Variants in ARSB observed in about 807,000 individuals in gnomAD.
ARSB encodes the protein arylsulfatase B, also known as N-acetylgalactosamine-4-sulfatase.
ARSB carries 41 observed loss-of-function variants against 50.9 expected under a neutral mutation model. The observed-to-expected ratio is 0.81, with a 90% CI of 0.63 to 1.04. The LOEUF is 1.04. ARSB is among the 50% of genes least tolerant of loss of function. The pLI is 0.00. For missense variants in ARSB, 672 were observed against 693.3 expected, an observed-to-expected ratio of 0.97 and a Z score of 0.35; for synonymous variants, 269 against 284.8, an observed-to-expected ratio of 0.94 and a Z score of 0.56.
At chr5:78,809,574 C>T (rs529754187) in intron 6 of ARSB, among the ~76,000 whole-genome samples, 18 of 152,380 alleles carry the variant, frequency 1.2e-4, no homozygotes, top group African/African-American at 2.9e-4. Context: ...CCCAAGTCAG[C>T]GGCACTTCTT....
intron 1 of ARSB, among the ~76,000 whole-genome samples, chr5:78,983,703 T>G (rs1424497024): frequency 6.6e-6 from 1 of 152,164 alleles, no homozygotes; most frequent in African/African-American, 2.4e-5. Context: ...TTTCTCACCC[T>G]TAGCAACACC....
intron 6 of ARSB, among the ~76,000 whole-genome samples, chr5:78,782,331 C>T (rs56120164): frequency 0.068 from 10,337 of 152,178 alleles, 1,213 homozygotes; most frequent in African/African-American, 0.23. Flanking sequence ...TTTAAACACA[C>T]TTTCTGTGTA....
intron 4 of ARSB, among the ~76,000 whole-genome samples, chr5:78,949,834 C>T (rs950495097): frequency 1.3e-5 from 2 of 152,032 alleles, no homozygotes; most frequent in African/African-American, 2.4e-5. Context: ...CACTTGAACC[C>T]GGGAGGCAGT....
In ARSB at chr5:78,974,230, T is replaced by C. The variant is rs558185071; in HGVS notation, c.313-5038A>G. On this transcript the variant is annotated intron_variant, in intron 1 of 7. Coordinates refer to ENST00000264914, the MANE Select transcript of ARSB (RefSeq NM_000046.5). ...GAAGCCAAGAGCCTACAGACACGCA[T>C]TATGTGTGCTAGGGGCCTGGCTTTG... Among the ~76,000 whole-genome samples, 28 of 152,316 alleles carry C rather than the reference T, an allele frequency of 1.8e-4. No homozygotes were observed. The South Asian group carries it at 5.8e-3, about 32-fold the overall frequency.
At chr5:78,932,443 T>C (rs73769399) in intron 4 of ARSB, among the ~76,000 whole-genome samples, 3,320 of 152,324 alleles carry the variant, frequency 0.022, 126 homozygotes, top group African/African-American at 0.074. Context: ...GTTTTTAAAA[T>C]GAAAACATTG....
chr5:78,880,615 A>C (rs17819357), intron 5 of ARSB, among the ~76,000 whole-genome samples: 23,876 of 152,218 alleles, frequency 0.16, 1,924 homozygotes, highest in Middle Eastern at 0.2. Context: ...TTGATGATAA[A>C]CTGAATTAAA....
chr5:78,958,637 A>G (rs977549303), intron 3 of ARSB, among the ~76,000 whole-genome samples: 4 of 152,178 alleles, frequency 2.6e-5, no homozygotes, highest in African/African-American at 9.7e-5. Flanking sequence ...GGGGAAAATT[A>G]AGTCCTGGAG....
chr5:78,984,936 C>T lies in ARSB; in HGVS notation c.312+1G>A. ...GCGCGGGCGGCGGGGGCGCCGCGTA[C>T]CTGGTAGCGGCCAGTGAGCAGCTGG... On this transcript the variant is annotated splice_donor_variant, in intron 1 of 7. Transcript: ENST00000264914. LOFTEE classifies it high-confidence loss of function. 1 of 1,392,770 alleles carries T rather than the reference C, an allele frequency of 7.2e-7. No individual in the cohort carries two copies. Among genetic ancestry groups the T allele is most frequent in the Non-Finnish European group, 9.3e-7 (1 of 1,070,568 alleles). The allele number at this position is 1,392,770 out of a possible 1,614,324, so 86.3% of individuals were successfully genotyped here. A position where few individuals can be genotyped will look rare whatever the true frequency, so the allele number is the denominator to read the frequency against.
At chr5:78,859,364 T>C (rs751494258) in intron 5 of ARSB, among the ~76,000 whole-genome samples, 2 of 152,200 alleles carry the variant, frequency 1.3e-5, no homozygotes, top group African/African-American at 2.4e-5. Flanking sequence ...CAAAAATCAC[T>C]GAATCATACC....
intron 4 of ARSB, among the ~76,000 whole-genome samples, chr5:78,926,891 A>C (rs1269741590): frequency 6.6e-6 from 1 of 152,130 alleles, no homozygotes; most frequent in Non-Finnish European, 1.5e-5. Flanking sequence ...GTTGAAATTA[A>C]TTTTTTTTGA....
chr5:78,920,145 G>A (rs1749736469), intron 4 of ARSB, among the ~76,000 whole-genome samples: 1 of 152,216 alleles, frequency 6.6e-6, no homozygotes, highest in Non-Finnish European at 1.5e-5. Context: ...GGTAACAAGT[G>A]TGTTCTCTGA....
intron 4 of ARSB, among the ~76,000 whole-genome samples, chr5:78,908,730 A>G (rs982069484): frequency 2.1e-5 from 2 of 96,578 alleles, no homozygotes; most frequent in Non-Finnish European, 4.4e-5. Context: ...ACTGGCCAAG[A>G]CTTTTTTTTT....
chr5:78,943,258 T>C (rs184387911), intron 4 of ARSB, among the ~76,000 whole-genome samples: 86 of 152,366 alleles, frequency 5.6e-4, no homozygotes, highest in African/African-American at 2.0e-3. Flanking sequence ...TGTCTTTTAA[T>C]TGGAGCATTT....
At chr5:78,876,246 G>A (rs991034020) in intron 5 of ARSB, among the ~76,000 whole-genome samples, 3 of 152,090 alleles carry the variant, frequency 2.0e-5, no homozygotes, top group Non-Finnish European at 4.4e-5. Context: ...AAGATTTAAA[G>A]TATTCAATTG....
At chr5:78,842,473 G>A (rs541343324) in intron 5 of ARSB, among the ~76,000 whole-genome samples, 10 of 152,148 alleles carry the variant, frequency 6.6e-5, no homozygotes, top group African/African-American at 9.7e-5. Flanking sequence ...CAGACCCTGC[G>A]CAGGGCCCAC....
chr5:78,957,531 G>A (rs1262184694), intron 3 of ARSB, among the ~76,000 whole-genome samples: 1 of 152,170 alleles, frequency 6.6e-6, no homozygotes, highest in African/African-American at 2.4e-5. Flanking sequence ...GCAGCTGATG[G>A]AGTGAAAATG....
intron 4 of ARSB, among the ~76,000 whole-genome samples, chr5:78,934,936 T>C (rs1420555644): frequency 6.6e-6 from 1 of 152,176 alleles, no homozygotes; most frequent in Admixed American, 6.5e-5. Context: ...TATATAATTT[T>C]GATTTTTCTA....
At chr5:78,983,399 G>A (rs1216512206) in intron 1 of ARSB, among the ~76,000 whole-genome samples, 6 of 152,200 alleles carry the variant, frequency 3.9e-5, no homozygotes, top group African/African-American at 1.4e-4. Flanking sequence ...GTCCAACTCT[G>A]TTGGAAGGGA....
At chr5:78,919,342 C>G (rs1327378994) in intron 4 of ARSB, among the ~76,000 whole-genome samples, 1 of 152,196 alleles carries the variant, frequency 6.6e-6, no homozygotes, top group Admixed American at 6.5e-5. Context: ...GTGCCAGTAG[C>G]TAGCCTGGGA....
Sources: gnomAD v4.1 joint callset for allele counts (sites outside exome capture counted in the v4.1 genomes callset) on GRCh38, gnomAD v4.1.1 for gene constraint, MANE v1.5 for transcripts, NCBI Gene and HGNC (gene_info 2026-07-23, HGNC 2026-07-21) for gene names.